Variants in GREB1L observed in about 807,000 individuals in gnomAD.
GREB1L encodes GREB1-like protein.
Under a neutral mutation model 200.8 loss-of-function variants are expected in GREB1L, and 17 were observed. The ratio of observed to expected loss-of-function variants is 0.08; its 90% CI spans 0.06 to 0.13. The LOEUF (loss-of-function observed/expected upper bound fraction) is 0.13, where lower values mean the gene tolerates loss of function less well. Among genes scored for constraint, GREB1L ranks in the 10% least tolerant of loss-of-function variants. GREB1L has a pLI of 1.00. For synonymous variants in GREB1L, 789 were observed against 893.0 expected, an observed-to-expected ratio of 0.88 and a Z score of 2.08; for missense variants, 1,657 against 2,367.7, an observed-to-expected ratio of 0.70 and a Z score of 6.23.
intron 16 of GREB1L, among the ~76,000 whole-genome samples, chr18:21,473,593 A>G (rs895910840): frequency 6.7e-6 from 1 of 149,010 alleles, no homozygotes; most frequent in African/African-American, 2.5e-5. Context: ...AAAAAGAAAG[A>G]AAAGAAAATG....
intron 17 of GREB1L, among the ~76,000 whole-genome samples, chr18:21,480,227 T>C (rs1568044874): frequency 2.0e-5 from 3 of 152,242 alleles, no homozygotes; most frequent in Admixed American, 6.5e-5. Context: ...GGCAGGCACC[T>C]GTAATCCCAG....
chr18:21,416,013 A>T (rs868238089), intron 7 of GREB1L, among the ~76,000 whole-genome samples: 2 of 152,214 alleles, frequency 1.3e-5, no homozygotes, highest in South Asian at 2.1e-4. Context: ...AGATTAATCA[A>T]TCAAAACCAG....
At position 21,473,208 on chromosome 18, in the gene GREB1L, C is replaced by T. The variant is rs144678858; in HGVS notation, c.2360C>T (p.Thr787Met). 26 of 1,521,514 alleles carry T rather than the reference C, an allele frequency of 1.7e-5. No individual in the cohort carries two copies. The highest frequency in any genetic ancestry group is 4.2e-5 in the African/African-American group (3 of 72,106). The allele number at this position is 1,521,514 out of a possible 1,614,324, so 94.3% of individuals were successfully genotyped here. ...CATGACAACTCCCATGTGGAACTAA[C>T]GAGGTGATTGGTTCAGAGTGAGCAA... is the stretch of plus-strand genomic sequence containing the variant. The part of the protein sequence containing the change: ...LVHDNSHVEL[T>M]SVISGSLSHS... Residue 787 changes from threonine (T) to methionine (M), a missense_variant, in exon 16 of 33, where the codon ACG becomes ATG. By Grantham distance (81) the Thr-to-Met change is moderately conservative. Coordinates refer to ENST00000424526, the MANE Select transcript of GREB1L (RefSeq NM_001142966.3).
chr18:21,386,593 CTTTTT>C (rs35010034), intron 4 of GREB1L, among the ~76,000 whole-genome samples: 1 of 115,176 alleles, frequency 8.7e-6, no homozygotes. Flanking sequence ...TGGCCAGTAG[CTTTTT>C]TTTTTTTTTT....
At chr18:21,333,513 A>G (rs1344331791) in intron 1 of GREB1L, among the ~76,000 whole-genome samples, 1 of 151,864 alleles carries the variant, frequency 6.6e-6, no homozygotes, top group Non-Finnish European at 1.5e-5. Context: ...TGTCTCTACT[A>G]AAAATACAAA....
chr18:21,436,669 GGTGTGTGTGTGTGTGTGT>G (rs71178172), intron 7 of GREB1L, among the ~76,000 whole-genome samples: 72 of 132,532 alleles, frequency 5.4e-4, no homozygotes, highest in African/African-American at 1.7e-3. Context: ...AAAGTTCAGT[GGTGTGTGTGTGTGTGTGT>G]GTGTGTGTGT....
chr18:21,245,554 C>T (rs940597330), intron 1 of GREB1L, among the ~76,000 whole-genome samples: 1 of 152,066 alleles, frequency 6.6e-6, no homozygotes, highest in Non-Finnish European at 1.5e-5. Flanking sequence ...AATTTTCACC[C>T]TGTTTTTTAT....
chr18:21,254,725 G>A (rs1389437506), intron 1 of GREB1L, among the ~76,000 whole-genome samples: 1 of 152,036 alleles, frequency 6.6e-6, no homozygotes, highest in Non-Finnish European at 1.5e-5. Context: ...GTCATTCTCC[G>A]CCATCCTCAG....
chr18:21,499,126 G>A (rs1274987025), intron 21 of GREB1L, among the ~76,000 whole-genome samples: 1 of 152,294 alleles, frequency 6.6e-6, no homozygotes, highest in East Asian at 1.9e-4. Context: ...CCATGGAAGG[G>A]GTTGCAGTCT....
intron 1 of GREB1L, among the ~76,000 whole-genome samples, chr18:21,340,258 A>C (rs1330265182): frequency 6.6e-6 from 1 of 152,050 alleles, no homozygotes; most frequent in Non-Finnish European, 1.5e-5. Context: ...TCTACTAAAA[A>C]TATAAAAAAA....
intron 21 of GREB1L, 104 bp from the exon 22 acceptor site, chr18:21,499,625 G>A (rs942924112): frequency 4.8e-5 from 36 of 750,668 alleles, no homozygotes; most frequent in Middle Eastern, 2.6e-4. Flanking sequence ...CTGCAGCCGC[G>A]GAGCCGAGCC....
At chr18:21,292,750 CA>C (rs757146062) in intron 1 of GREB1L, among the ~76,000 whole-genome samples, 4 of 152,174 alleles carry the variant, frequency 2.6e-5, no homozygotes, top group Non-Finnish European at 5.9e-5. Context: ...GAGCAAAAGA[CA>C]TTTTGTTACT....
chr18:21,308,635 C>T (rs1323043102), intron 1 of GREB1L, among the ~76,000 whole-genome samples: 2 of 152,224 alleles, frequency 1.3e-5, no homozygotes, highest in Non-Finnish European at 2.9e-5. Flanking sequence ...GTCTCTCACT[C>T]TCACTCCGTG....
At chr18:21,439,171 T>G (rs2033749106) in intron 7 of GREB1L, among the ~76,000 whole-genome samples, 1 of 151,982 alleles carries the variant, frequency 6.6e-6, no homozygotes, top group African/African-American at 2.4e-5. Flanking sequence ...ATGTTTATTA[T>G]CCTATTCTCT....
chr18:21,246,614 G>A (rs2037607071), intron 1 of GREB1L, among the ~76,000 whole-genome samples: 1 of 152,044 alleles, frequency 6.6e-6, no homozygotes, highest in Non-Finnish European at 1.5e-5. Flanking sequence ...AGACATATAG[G>A]GGTGGTCAGT....
chr18:21,422,790 A>G (rs1256027656), intron 7 of GREB1L, among the ~76,000 whole-genome samples: 1 of 152,236 alleles, frequency 6.6e-6, no homozygotes, highest in Admixed American at 6.5e-5. Context: ...TTGCTGGATC[A>G]AACATATACT....
chr18:21,512,933 T>G (rs1043247919), intron 27 of GREB1L, among the ~76,000 whole-genome samples: 4 of 152,198 alleles, frequency 2.6e-5, no homozygotes, highest in African/African-American at 9.7e-5. Context: ...TTTAATAGCT[T>G]TTCTTTCATT....
intron 19 of GREB1L, among the ~76,000 whole-genome samples, chr18:21,492,226 G>T (rs2036369912): frequency 6.6e-6 from 1 of 151,566 alleles, no homozygotes; most frequent in African/African-American, 2.4e-5. Flanking sequence ...GGCGCCTGTG[G>T]TCCCAGCTAC....
intron 1 of GREB1L, among the ~76,000 whole-genome samples, chr18:21,250,762 A>G (rs2037689061): frequency 6.6e-6 from 1 of 152,182 alleles, no homozygotes; most frequent in Admixed American, 6.5e-5. Context: ...GAACCTTTTC[A>G]CTTGAGAGTT....
Sources: allele counts gnomAD v4.1 joint callset (sites outside exome capture counted in the v4.1 genomes callset), GRCh38; gene constraint gnomAD v4.1.1; transcripts MANE v1.5; gene names NCBI Gene and HGNC (gene_info 2026-07-23, HGNC 2026-07-21).